The following PCDH11X variants were observed in gnomAD, a reference collection of about 807,000 sequenced individuals.
PCDH11X encodes the protein protocadherin 11 X-linked.
In PCDH11X, 18 loss-of-function variants were observed where a neutral mutation model predicts 53.3. The ratio of observed to expected loss-of-function variants is 0.34; its 90% CI spans 0.23 to 0.50. The LOEUF (loss-of-function observed/expected upper bound fraction) is 0.50, where lower values mean the gene tolerates loss of function less well. PCDH11X is among the 20% of genes least tolerant of loss of function. PCDH11X has a pLI of 0.98. For synonymous variants in PCDH11X, 279 were observed against 393.3 expected (o/e 0.71, Z 3.44); for missense variants, 570 against 1,032.4 (o/e 0.55, Z 6.14).
chrX:92,113,601 C>T (rs757074288), intron 6 of PCDH11X: 38 of 1,195,088 alleles, frequency 3.2e-5, no homozygotes, highest in Middle Eastern at 6.2e-4. Context: ...TCTCGGTGAG[C>T]CAGTCCACCT....
chrX:92,355,302 C>A (rs2070168272), intron 8 of PCDH11X, among the ~76,000 whole-genome samples: 1 of 58,221 alleles, frequency 1.7e-5, no homozygotes, highest in African/African-American at 7.9e-5. Flanking sequence ...TGGCGGGCGC[C>A]TGTAGTCCCA....
chrX:92,564,564 G>A (rs1274696902), intron 10 of PCDH11X, among the ~76,000 whole-genome samples: 3 of 108,777 alleles, frequency 2.8e-5, no homozygotes, highest in Non-Finnish European at 5.8e-5. Context: ...TTAATTCAGA[G>A]ATGCTGAAGA....
chrX:92,203,105 T>C (rs2066419730), intron 7 of PCDH11X, among the ~76,000 whole-genome samples: 1 of 112,283 alleles, frequency 8.9e-6, no homozygotes, highest in Admixed American at 9.5e-5. Context: ...CTGTTGTTAA[T>C]AAAGTCCTAA....
intron 7 of PCDH11X, 117 bp from the exon 8 acceptor site, chrX:92,262,997 G>A: frequency 2.8e-6 from 3 of 1,063,348 alleles, no homozygotes; most frequent in Non-Finnish European, 3.7e-6. Context: ...TGGGAATGTT[G>A]ACATGCTTTT....
chrX:91,925,946 A>G (rs183248132), intron 6 of PCDH11X, among the ~76,000 whole-genome samples: 1,199 of 108,445 alleles, frequency 0.011, 41 homozygotes, highest in Admixed American at 0.1. Flanking sequence ...TCTTGATGAC[A>G]TATTATCTTA....
intron 7 of PCDH11X, among the ~76,000 whole-genome samples, chrX:92,228,090 A>G (rs926927036): frequency 9.0e-6 from 1 of 111,605 alleles, no homozygotes; most frequent in African/African-American, 3.2e-5. Context: ...AAGGGAAGGT[A>G]GTCTTACCAA....
chrX:92,286,157 C>A (rs2068366444), intron 8 of PCDH11X, among the ~76,000 whole-genome samples: 1 of 108,136 alleles, frequency 9.2e-6, no homozygotes, highest in African/African-American at 3.4e-5. Context: ...AGTTTTGGGG[C>A]CAGTTTATGG....
At chrX:91,803,517 G>T (rs995043583) in intron 1 of PCDH11X, among the ~76,000 whole-genome samples, 2 of 111,413 alleles carry the variant, frequency 1.8e-5, no homozygotes, top group African/African-American at 6.5e-5. Context: ...TTTAAAGTCT[G>T]TGTAGTAGCT....
chrX:92,307,130 C>G (rs1025644630), intron 8 of PCDH11X, among the ~76,000 whole-genome samples: 2 of 110,838 alleles, frequency 1.8e-5, no homozygotes, highest in African/African-American at 6.6e-5. Flanking sequence ...TCAGTGTGAT[C>G]CTGATACCAA....
At chrX:92,555,612 C>T (rs1417231259) in intron 10 of PCDH11X, among the ~76,000 whole-genome samples, 1 of 111,758 alleles carries the variant, frequency 8.9e-6, no homozygotes, top group Non-Finnish European at 1.9e-5. Flanking sequence ...ACATTCATGA[C>T]TTCAGATAAG....
intron 8 of PCDH11X, among the ~76,000 whole-genome samples, chrX:92,322,491 G>T (rs2574031): frequency 9.1e-6 from 1 of 109,975 alleles, no homozygotes; most frequent in Non-Finnish European, 1.9e-5. Flanking sequence ...GGGCTTAATC[G>T]TAGGGACTCG....
intron 10 of PCDH11X, among the ~76,000 whole-genome samples, chrX:92,604,910 T>A (rs1926628081): frequency 9.5e-6 from 1 of 105,526 alleles, no homozygotes; most frequent in African/African-American, 3.6e-5. Flanking sequence ...TACATGCACC[T>A]AACTCCAGTG....
intron 6 of PCDH11X, among the ~76,000 whole-genome samples, chrX:91,889,874 G>A (rs1346724686): frequency 2.7e-5 from 3 of 111,373 alleles, no homozygotes; most frequent in Non-Finnish European, 3.8e-5. Context: ...TAAAGTTGTC[G>A]TTATCTGAAT....
chrX:92,484,587 C>T (rs1167405991), intron 10 of PCDH11X, among the ~76,000 whole-genome samples: 2 of 109,614 alleles, frequency 1.8e-5, no homozygotes, highest in South Asian at 3.8e-4. Flanking sequence ...TGCAGCAGCC[C>T]GGATGGAATT....
intron 2 of PCDH11X, among the ~76,000 whole-genome samples, 178 bp from the exon 3 acceptor site, chrX:91,810,295 C>T (rs1936255268): frequency 9.0e-6 from 1 of 111,064 alleles, no homozygotes; most frequent in South Asian, 3.8e-4. Context: ...TCTTTGCTTC[C>T]CTTTTCCCAA....
intron 9 of PCDH11X, among the ~76,000 whole-genome samples, chrX:92,439,362 A>C (rs2148633128): frequency 9.0e-6 from 1 of 110,990 alleles, no homozygotes; most frequent in Admixed American, 9.6e-5. Context: ...AAGGAAAACA[A>C]AATGTGACCT....
intron 6 of PCDH11X, among the ~76,000 whole-genome samples, chrX:91,902,343 C>A (rs1331101397): frequency 1.8e-5 from 2 of 110,360 alleles, no homozygotes; most frequent in African/African-American, 6.6e-5. Context: ...TGTTTTATTT[C>A]CATCTTTCTG....
intron 6 of PCDH11X, among the ~76,000 whole-genome samples, chrX:92,112,135 A>G: frequency 9.2e-6 from 1 of 108,629 alleles, no homozygotes; most frequent in South Asian, 3.9e-4. Flanking sequence ...GGTATCAGCT[A>G]TAAGCTATAA....
intron 10 of PCDH11X, among the ~76,000 whole-genome samples, chrX:92,532,147 A>G (rs866592635): frequency 1.8e-5 from 2 of 111,612 alleles, no homozygotes; most frequent in Non-Finnish European, 3.8e-5. Flanking sequence ...CTTCTGATAA[A>G]TGTAGTTCTT....
Sources: allele counts gnomAD v4.1 joint callset (sites outside exome capture counted in the v4.1 genomes callset), GRCh38; gene constraint gnomAD v4.1.1; transcripts MANE v1.5; gene names NCBI Gene and HGNC (gene_info 2026-07-23, HGNC 2026-07-21).